Variants in FOSL2 observed in about 807,000 individuals in gnomAD.
The protein encoded by FOSL2 is fos-related antigen 2.
A neutral mutation model predicts 27.7 loss-of-function variants in FOSL2; 3 were observed. The ratio of observed to expected loss-of-function variants is 0.11; its 90% CI spans 0.05 to 0.28. The LOEUF (loss-of-function observed/expected upper bound fraction) is 0.28, where lower values mean the gene tolerates loss of function less well. Ranked by LOEUF, FOSL2 falls within the 10% of genes least tolerant of loss-of-function variation. The pLI is 1.00. For synonymous variants in FOSL2, 179 were observed against 190.1 expected (o/e 0.94, Z 0.48); for missense variants, 333 against 445.1 (o/e 0.75, Z 2.27).
chr2:28,409,572 C>A (rs1373112796), intron 3 of FOSL2, among the ~76,000 whole-genome samples: 2 of 152,102 alleles, frequency 1.3e-5, no homozygotes, highest in Non-Finnish European at 2.9e-5. Flanking sequence ...CCCTTCAGAG[C>A]CTGGCCCTGC....
chr2:28,405,981 C>T (rs941932634), intron 2 of FOSL2, among the ~76,000 whole-genome samples: 2 of 151,678 alleles, frequency 1.3e-5, no homozygotes, highest in Non-Finnish European at 2.9e-5. Flanking sequence ...CCAGGCTTGC[C>T]AGGTACTCTT....
chr2:28,397,649 G>A (rs1003248344), intron 1 of FOSL2, among the ~76,000 whole-genome samples: 3 of 152,134 alleles, frequency 2.0e-5, no homozygotes, highest in African/African-American at 7.2e-5. Context: ...GGTAAAATTG[G>A]GAGACTTGTT....
At chr2:28,396,670 T>C (rs1252979554) in intron 1 of FOSL2, 2 of 152,126 alleles carry the variant, frequency 1.3e-5, no homozygotes, top group African/African-American at 4.8e-5. Flanking sequence ...CCTAGAACTT[T>C]TCCAAGGCTG....
In FOSL2 at chr2:28,404,169, G is replaced by T; in HGVS notation, c.165G>T (p.Thr55=). ...TCATCCCCACCATCAACGCCATCAC[G>T]ACCAGCCAGGACCTGCAGTGGATGG... ...SAFIPTINAI[T]TSQDLQWMVQ... is the part of the protein sequence containing the mutation. The change falls in exon 2 of 4, where the codon ACG becomes ACT. Residue 55 remains threonine (T), a synonymous_variant. Coordinates refer to ENST00000264716, the MANE Select transcript of FOSL2 (RefSeq NM_005253.4). This position sits in a 1 kb window ranked among gnomAD's most constrained non-coding sequence, Gnocchi z 4.7. 6.2e-7 allele frequency: 1 copy of T among 1,614,106 alleles called. No individual in the cohort carries two copies. The highest frequency in any genetic ancestry group is 1.7e-5 in the Admixed American group (1 of 60,014).
rs963428577 is a variant in FOSL2, at chr2:28,410,617, C to T, written c.463-1313C>T. 1.4e-4 allele frequency: 118 copies of T among 855,886 alleles called. No homozygotes were observed. The African/African-American group carries it at 2.0e-3, about 15-fold the overall frequency. The allele number at this position is 855,886 out of a possible 1,614,324, so 53.0% of individuals were successfully genotyped here. ...GAACAGGAATCCATGTTAGGGAAAA[C>T]GTGGGGAGGAGGCTGGTGACACACA... On this transcript the variant is annotated intron_variant, in intron 3 of 3. Coordinates refer to ENST00000264716, the MANE Select transcript of FOSL2 (RefSeq NM_005253.4).
intron 2 of FOSL2, among the ~76,000 whole-genome samples, chr2:28,405,939 T>A (rs1664067118): frequency 6.6e-6 from 1 of 152,144 alleles, no homozygotes; most frequent in Admixed American, 6.5e-5. Flanking sequence ...TGAGCTGGAC[T>A]CTTCTGGGAT....
chr2:28,411,526 A>G (rs1251532510), intron 3 of FOSL2, among the ~76,000 whole-genome samples: 4 of 152,190 alleles, frequency 2.6e-5, no homozygotes, highest in African/African-American at 9.7e-5. Context: ...GGGCTACCCC[A>G]CCTGCTAGCT....
Position 28,413,937 on chromosome 2 carries a change from G to A in FOSL2, c.*1489G>A, listed in dbSNP as rs1183144433. On this transcript the variant is annotated 3_prime_UTR_variant, in exon 4 of 4. Transcript: ENST00000264716. Reference sequence around the variant, plus strand: ...TGCCCCCTTTCACGGGGTTGGGGAAGGGTCCCCCTGGCCTCCAGCAGGAGC... The same window carrying A: ...TGCCCCCTTTCACGGGGTTGGGGAAAGGTCCCCCTGGCCTCCAGCAGGAGC... 2.5e-6 allele frequency: 1 copy of A among 397,744 alleles called. No individual in the cohort carries two copies. Among genetic ancestry groups the A allele is most frequent in the Admixed American group, 4.4e-5 (1 of 22,732 alleles). The allele number at this position is 397,744 out of a possible 1,614,324, so 24.6% of individuals were successfully genotyped here.
rs11884725 is a variant in FOSL2, at chr2:28,412,481, G to A, written c.*33G>A. ...CACCTCCCTCCCCAGCTCCGGAGGG[G>A]GTCCTCCTCGCTCCTCCTTCCCAGG... On this transcript the variant is annotated 3_prime_UTR_variant, in exon 4 of 4. Coordinates refer to ENST00000264716, the MANE Select transcript of FOSL2 (RefSeq NM_005253.4). The surrounding 1 kb of genome is among the most constrained non-coding windows in gnomAD (Gnocchi z 7.1). The A allele has an allele frequency of 1.1e-4, 181 of 1,579,720 alleles. 2 individuals carry two copies. In the South Asian group the frequency reaches 1.9e-3, roughly 17 times the overall value.
Position 28,404,425 on chromosome 2 carries a change from G to A in FOSL2, c.354+67G>A. On this transcript the variant is annotated intron_variant, in intron 2 of 3. Coordinates refer to ENST00000264716, the MANE Select transcript of FOSL2 (RefSeq NM_005253.4). This position sits in a 1 kb window ranked among gnomAD's most constrained non-coding sequence, Gnocchi z 4.7. ...TCAGAGCCCCAGAAACACAGAACGGGTTTCTGCAGACTGGGAGGGTTAATG... is the reference window on the plus strand; with the variant it reads ...TCAGAGCCCCAGAAACACAGAACGGATTTCTGCAGACTGGGAGGGTTAATG... 6.5e-7 allele frequency: 1 copy of A among 1,545,712 alleles called. No individual in the cohort carries two copies. The highest frequency in any genetic ancestry group is 2.3e-5 in the East Asian group (1 of 44,290).
intron 1 of FOSL2, among the ~76,000 whole-genome samples, chr2:28,395,309 CCTGT>C (rs1484819548): frequency 2.0e-5 from 3 of 152,230 alleles, no homozygotes; most frequent in African/African-American, 7.2e-5. Flanking sequence ...ACCCCAAACG[CCTGT>C]CTGTCTCCTC....
At chr2:28,411,038 C>T (rs1664182378) in intron 3 of FOSL2, among the ~76,000 whole-genome samples, 1 of 151,776 alleles carries the variant, frequency 6.6e-6, no homozygotes, top group East Asian at 1.9e-4. Context: ...GTCTCAGCTA[C>T]TCGGGAGGCT....
chr2:28,412,350 T>A lies in FOSL2; in HGVS notation c.883T>A (p.Ser295Thr), dbSNP rs754112385. ...PSVLEQESPA[S>T]PSESCSKAHR... ...CGTCCTGGAGCAGGAGTCACCCGCATCTCCCTCCGAATCCTGCTCCAAGGC... is the reference window on the plus strand; with the variant it reads ...CGTCCTGGAGCAGGAGTCACCCGCAACTCCCTCCGAATCCTGCTCCAAGGC... The change falls in exon 4 of 4, where the codon TCT becomes ACT. Residue 295 changes from serine (S) to threonine (T), a missense_variant. Physicochemically the swap from Ser to Thr is moderately conservative, Grantham distance 58. Around this residue, in one of 4 missense-constraint regions of FOSL2, gnomAD observed 26 missense variants for 59.3 expected, o/e 0.44. Coordinates refer to ENST00000264716, the MANE Select transcript of FOSL2 (RefSeq NM_005253.4). The surrounding 1 kb of genome is among the most constrained non-coding windows in gnomAD (Gnocchi z 7.1). 1.2e-6 allele frequency: 2 copies of A among 1,612,722 alleles called. No homozygotes were observed. The highest frequency in any genetic ancestry group is 1.7e-6 in the Non-Finnish European group (2 of 1,179,954).
intron 1 of FOSL2, among the ~76,000 whole-genome samples, chr2:28,400,737 G>A (rs547215969): frequency 1.3e-5 from 2 of 152,256 alleles, no homozygotes; most frequent in East Asian, 1.9e-4. Context: ...CCATTGCTGC[G>A]AGGAATCTGG....
In FOSL2 at chr2:28,393,577, G is replaced by A; in HGVS notation, c.-144G>A. 1.6e-6 allele frequency: 1 copy of A among 607,732 alleles called. No individual in the cohort carries two copies. Among genetic ancestry groups the A allele is most frequent in the Non-Finnish European group, 2.9e-6 (1 of 348,678 alleles). The allele number at this position is 607,732 out of a possible 1,614,324, so 37.6% of individuals were successfully genotyped here. A position where few individuals can be genotyped will look rare whatever the true frequency, so the allele number is the denominator to read the frequency against. On this transcript the variant is annotated 5_prime_UTR_variant, in exon 1 of 4. Coordinates refer to ENST00000264716, the MANE Select transcript of FOSL2 (RefSeq NM_005253.4). The surrounding 1 kb of genome is among the most constrained non-coding windows in gnomAD (Gnocchi z 4.6). ...CGCCGCCTCCCTGTCCTCGCCCTCC[G>A]CGGTGGGGGAGAAACCCAGGAGCGA...
intron 3 of FOSL2, among the ~76,000 whole-genome samples, chr2:28,410,214 C>A (rs1664163127): frequency 6.6e-6 from 1 of 152,190 alleles, no homozygotes; most frequent in Admixed American, 6.5e-5. Context: ...AGTGGGAATT[C>A]TTCATTCCCA....
intron 1 of FOSL2, among the ~76,000 whole-genome samples, chr2:28,403,327 G>A (rs578177069): frequency 6.6e-6 from 1 of 152,132 alleles, no homozygotes; most frequent in Non-Finnish European, 1.5e-5. Flanking sequence ...ATTAAGAAGC[G>A]GGGAGAAAAC....
Position 28,411,948 on chromosome 2 carries a change from G to A in FOSL2, c.481G>A (p.Glu161Lys), listed in dbSNP as rs746771459. ...KLQAETEELE[E>K]EKSGLQKEIA... is the part of the protein sequence containing the mutation. ...GTGGCAGGAGACAGAGGAGCTGGAG[G>A]AGGAGAAGTCAGGCCTGCAGAAGGA... The change falls in exon 4 of 4, where the codon GAG becomes AAG. Residue 161 changes from glutamate (E) to lysine (K), a missense_variant. Glu to Lys is a moderately conservative substitution (Grantham distance 56). This residue lies in a region of FOSL2 where 40 missense variants were observed against 104.2 expected (regional missense o/e 0.38). Coordinates refer to ENST00000264716, the MANE Select transcript of FOSL2 (RefSeq NM_005253.4). The A allele has an allele frequency of 6.2e-7, 1 of 1,614,220 alleles. No homozygotes were observed. Among genetic ancestry groups the A allele is most frequent in the East Asian group, 2.2e-5 (1 of 44,890 alleles).
In FOSL2 at chr2:28,411,993, G is replaced by C; in HGVS notation, c.526G>C (p.Glu176Gln). Residue 176 changes from glutamate (E) to glutamine (Q), a missense_variant, in exon 4 of 4, where the codon GAG becomes CAG. Glu to Gln is a conservative substitution (Grantham distance 29). Coordinates refer to ENST00000264716, the MANE Select transcript of FOSL2 (RefSeq NM_005253.4). ...LQKEIAELQK[E>Q]KEKLEFMLVA... is the part of the protein sequence containing the mutation. Reference sequence around the variant, plus strand: ...GAAGGAGATTGCTGAGCTGCAGAAGGAGAAGGAGAAGCTGGAGTTCATGTT... The same window carrying C: ...GAAGGAGATTGCTGAGCTGCAGAAGCAGAAGGAGAAGCTGGAGTTCATGTT... 3 of 1,613,912 alleles carry C rather than the reference G, an allele frequency of 1.9e-6. No individual in the cohort carries two copies. Among genetic ancestry groups the C allele is most frequent in the Non-Finnish European group, 2.5e-6 (3 of 1,180,024 alleles).
Sources: allele counts gnomAD v4.1 joint callset (sites outside exome capture counted in the v4.1 genomes callset), GRCh38; gene constraint gnomAD v4.1.1; regional missense constraint gnomAD v4.1.1; non-coding constraint Gnocchi (gnomAD v3.1); transcripts MANE v1.5; gene names NCBI Gene and HGNC (gene_info 2026-07-23, HGNC 2026-07-21).